Variants in ULK4 observed in about 807,000 individuals in gnomAD.
The protein encoded by ULK4 is unc-51 like kinase 4.
In ULK4, 133 loss-of-function variants were observed where a neutral mutation model predicts 160.6. That is an observed-to-expected ratio of 0.83 (90% CI 0.72 to 0.96). The LOEUF (loss-of-function observed/expected upper bound fraction) is 0.96. Among genes scored for constraint, ULK4 ranks in the 40% least tolerant of loss-of-function variants. The pLI is 0.00. For missense variants in ULK4, 1,580 were observed against 1,499.5 expected, an observed-to-expected ratio of 1.05 and a Z score of -0.89; for synonymous variants, 534 against 539.8, an observed-to-expected ratio of 0.99 and a Z score of 0.15.
intron 31 of ULK4, among the ~76,000 whole-genome samples, chr3:41,589,558 T>C (rs1323356124): frequency 2.6e-5 from 4 of 152,114 alleles, no homozygotes; most frequent in Admixed American, 6.5e-5. Context: ...AGAGGTCATG[T>C]TGAATATATA....
chr3:41,832,407 T>C (rs1476842442), intron 18 of ULK4, among the ~76,000 whole-genome samples: 1 of 152,200 alleles, frequency 6.6e-6, no homozygotes, highest in Non-Finnish European at 1.5e-5. Context: ...TCTTGTAAAT[T>C]TGTTTAAGTT....
chr3:41,440,075 A>C (rs905879716), intron 34 of ULK4, among the ~76,000 whole-genome samples: 4 of 152,178 alleles, frequency 2.6e-5, no homozygotes, highest in Non-Finnish European at 5.9e-5. Context: ...AGACTTCTTT[A>C]TTTAATTTCT....
At chr3:41,306,544 G>A (rs1189208604) in intron 35 of ULK4, among the ~76,000 whole-genome samples, 9 of 147,440 alleles carry the variant, frequency 6.1e-5, no homozygotes, top group Non-Finnish European at 6.0e-5. Flanking sequence ...CCCCCTGCCC[G>A]GCCAGCCACC....
At chr3:41,840,428 T>G (rs952978035) in intron 17 of ULK4, among the ~76,000 whole-genome samples, 1 of 152,236 alleles carries the variant, frequency 6.6e-6, no homozygotes, top group Non-Finnish European at 1.5e-5. Flanking sequence ...GAGGCTGGAC[T>G]GTACTGCCGT....
intron 27 of ULK4, among the ~76,000 whole-genome samples, chr3:41,689,478 G>T (rs149513391): frequency 1.3e-5 from 2 of 152,206 alleles, no homozygotes; most frequent in African/African-American, 2.4e-5. Context: ...CACAGCAAAA[G>T]AAACTACCAT....
chr3:41,770,336 T>C lies in ULK4; in HGVS notation c.2194-15848A>G, dbSNP rs555130017. Among the ~76,000 whole-genome samples, 4 of 152,218 alleles carry C rather than the reference T, an allele frequency of 2.6e-5. No individual in the cohort carries two copies. The South Asian group carries it at 6.2e-4, about 24-fold the overall frequency. On this transcript the variant is annotated intron_variant, in intron 21 of 36. Transcript: ENST00000301831. ...CAGGTTTGTGTCAAAACACAAAACA[T>C]GAACCACTCAGCCCTCAGTCCTTCA...
At chr3:41,548,283 C>T (rs990541751) in intron 32 of ULK4, among the ~76,000 whole-genome samples, 1 of 152,066 alleles carries the variant, frequency 6.6e-6, no homozygotes, top group Non-Finnish European at 1.5e-5. Flanking sequence ...ATGTCTGTTG[C>T]CCCAGACACA....
chr3:41,715,695 A>AT, intron 23 of ULK4, 127 bp from the exon 24 acceptor site: 1 of 1,211,094 alleles, frequency 8.3e-7, no homozygotes, highest in Non-Finnish European at 1.1e-6. Context: ...AAGCAGATAT[A>AT]CTTATTCACA....
intron 22 of ULK4, among the ~76,000 whole-genome samples, chr3:41,720,370 G>A (rs1479945186): frequency 6.6e-6 from 1 of 151,986 alleles, no homozygotes; most frequent in Non-Finnish European, 1.5e-5. Flanking sequence ...TCTTAATTCT[G>A]CTATTTAGTG....
intron 20 of ULK4, among the ~76,000 whole-genome samples, chr3:41,794,001 T>G (rs904215584): frequency 6.6e-6 from 1 of 152,188 alleles, no homozygotes; most frequent in African/African-American, 2.4e-5. Flanking sequence ...CATGTTAAAA[T>G]AGAGATTACT....
At chr3:41,959,480 G>GCAAT (rs1700595971) in intron 1 of ULK4, among the ~76,000 whole-genome samples, 2 of 151,942 alleles carry the variant, frequency 1.3e-5, no homozygotes, top group Non-Finnish European at 2.9e-5. Flanking sequence ...TGAGCCGATT[G>GCAAT]CGCCACTGCA....
intron 27 of ULK4, among the ~76,000 whole-genome samples, chr3:41,692,700 T>C (rs1479998975): frequency 6.6e-6 from 1 of 152,148 alleles, no homozygotes. Context: ...TAATAATTAA[T>C]ACTAGTAATA....
At chr3:41,613,945 C>T (rs1212810064) in intron 31 of ULK4, among the ~76,000 whole-genome samples, 1 of 152,192 alleles carries the variant, frequency 6.6e-6, no homozygotes, top group East Asian at 1.9e-4. Context: ...CACCTTCTAC[C>T]CATTCCCTAT....
At chr3:41,332,677 G>A in intron 35 of ULK4, among the ~76,000 whole-genome samples, 1 of 152,074 alleles carries the variant, frequency 6.6e-6, no homozygotes, top group Non-Finnish European at 1.5e-5. Flanking sequence ...TTAGATTCAG[G>A]GGGTATATGT....
intron 32 of ULK4, among the ~76,000 whole-genome samples, chr3:41,529,847 T>G (rs142048367): frequency 7.4e-4 from 112 of 152,262 alleles, no homozygotes; most frequent in Non-Finnish European, 1.3e-3. Context: ...ACATTAAAAT[T>G]TATACATAAA....
chr3:41,759,405 AAAG>A (rs1185542251), intron 21 of ULK4, among the ~76,000 whole-genome samples: 2 of 152,182 alleles, frequency 1.3e-5, no homozygotes, highest in Non-Finnish European at 2.9e-5. Context: ...TAACAACAAC[AAAG>A]AAGTATTGCT....
At chr3:41,820,878 T>G (rs1034687002) in intron 18 of ULK4, among the ~76,000 whole-genome samples, 1 of 152,208 alleles carries the variant, frequency 6.6e-6, no homozygotes, top group Non-Finnish European at 1.5e-5. Context: ...TTCCCTTACT[T>G]GATTATAGAA....
intron 25 of ULK4, among the ~76,000 whole-genome samples, chr3:41,707,510 A>C (rs181560360): frequency 2.0e-5 from 3 of 152,318 alleles, no homozygotes; most frequent in Non-Finnish European, 2.9e-5. Context: ...ACTCAACTCA[A>C]TAGTAAGAAG....
In ULK4 at chr3:41,487,073, T is replaced by C. The variant is rs182584603; in HGVS notation, c.3227-23820A>G. The stretch of plus-strand genomic sequence containing the variant: ...ACGTAGTTTCCTTTAATATCAACAA[T>C]ATCCAGAAAAAACATAATTTTAAAA... On this transcript the variant is annotated intron_variant, in intron 32 of 36. Transcript: ENST00000301831. 1.5e-4 allele frequency among the ~76,000 whole-genome samples: 23 copies of C among 152,262 alleles called. No homozygotes were observed. In the East Asian group the frequency reaches 4.4e-3, roughly 29 times the overall value.
Sources: allele counts gnomAD v4.1 joint callset (sites outside exome capture counted in the v4.1 genomes callset), GRCh38; gene constraint gnomAD v4.1.1; transcripts MANE v1.5; gene names NCBI Gene and HGNC (gene_info 2026-07-23, HGNC 2026-07-21).